Variants in PCDHA12 observed in about 807,000 individuals in gnomAD.
PCDHA12 encodes protocadherin alpha-12.
A neutral mutation model predicts 60.0 loss-of-function variants in PCDHA12; 44 were observed. The ratio of observed to expected loss-of-function variants is 0.73; its 90% CI spans 0.58 to 0.94. The LOEUF is 0.94. Ranked by LOEUF, PCDHA12 falls within the 40% of genes least tolerant of loss-of-function variation. The pLI is 0.00. For synonymous variants in PCDHA12, 569 were observed against 553.0 expected (o/e 1.03, Z -0.40); for missense variants, 1,276 against 1,239.7 (o/e 1.03, Z -0.44).
intron 1 of PCDHA12, among the ~76,000 whole-genome samples, chr5:140,906,517 TACTC>T (rs2072719927): frequency 2.0e-5 from 3 of 152,358 alleles, no homozygotes; most frequent in Admixed American, 6.5e-5. Context: ...AAGGAGGAAA[TACTC>T]ACGACAATTA....
At chr5:140,902,406 T>A (rs1166768605) in intron 1 of PCDHA12, among the ~76,000 whole-genome samples, 1 of 152,088 alleles carries the variant, frequency 6.6e-6, no homozygotes, top group Non-Finnish European at 1.5e-5. Flanking sequence ...AATACTATGT[T>A]GAATAACAGT....
At position 140,884,500 on chromosome 5, in the gene PCDHA12, G is replaced by T. The variant is rs782378726; in HGVS notation, c.2367+6661G>T. 34 of 1,614,122 alleles carry T rather than the reference G, an allele frequency of 2.1e-5. No homozygotes were observed. The South Asian group carries it at 2.5e-4, about 12-fold the overall frequency. On this transcript the variant is annotated intron_variant, in intron 1 of 3. Coordinates refer to ENST00000398631, the MANE Select transcript of PCDHA12 (RefSeq NM_018903.4). ...AGCCCACTCTAGTGTGCTCCAGCGC[G>T]GCAGGGAGTTGGTCGTACTCGCAGC...
At chr5:140,960,836 AG>A (rs551951864) in intron 1 of PCDHA12, among the ~76,000 whole-genome samples, 345 of 152,342 alleles carry the variant, frequency 2.3e-3, no homozygotes, top group African/African-American at 7.6e-3. Flanking sequence ...AACTTGGAAC[AG>A]GTTTAATGGC....
intron 1 of PCDHA12, among the ~76,000 whole-genome samples, chr5:140,965,161 G>A (rs151157194): frequency 1.5e-4 from 23 of 152,334 alleles, no homozygotes; most frequent in African/African-American, 5.5e-4. Flanking sequence ...GAGAAAGGAC[G>A]TTTTAGTGAG....
intron 1 of PCDHA12, chr5:140,927,513 C>T (rs371881938): frequency 2.2e-5 from 36 of 1,614,062 alleles, no homozygotes; most frequent in South Asian, 3.3e-5. Flanking sequence ...CAGCTCGGGA[C>T]GGCGGGCTAC....
At chr5:140,927,540 C>T (rs1376391756) in intron 1 of PCDHA12, 6 of 1,614,136 alleles carry the variant, frequency 3.7e-6, no homozygotes, top group African/African-American at 2.7e-5. Flanking sequence ...GCTCAGGAGA[C>T]GCACAAGTCA....
At position 140,876,094 on chromosome 5, in the gene PCDHA12, C is replaced by A. The variant is rs782479233; in HGVS notation, c.622C>A (p.Leu208Ile). ...KLLDREQTPK[L>I]NLLLMVIDGG... Reference sequence around the variant, plus strand: ...ATTGGACAGAGAGCAAACGCCAAAACTCAATTTATTGCTGATGGTAATCGA... The same window carrying A: ...ATTGGACAGAGAGCAAACGCCAAAAATCAATTTATTGCTGATGGTAATCGA... Residue 208 changes from leucine (L) to isoleucine (I), a missense_variant, in exon 1 of 4, where the codon CTC becomes ATC. Coordinates refer to ENST00000398631, the MANE Select transcript of PCDHA12 (RefSeq NM_018903.4). 5 of 1,613,926 alleles carry A rather than the reference C, an allele frequency of 3.1e-6. No homozygotes were observed. Among genetic ancestry groups the A allele is most frequent in the Non-Finnish European group, 4.2e-6 (5 of 1,179,902 alleles).
intron 1 of PCDHA12, among the ~76,000 whole-genome samples, chr5:140,960,125 G>A (rs2153724181): frequency 6.6e-6 from 1 of 152,336 alleles, no homozygotes; most frequent in East Asian, 1.9e-4. Context: ...TATTCCTTAT[G>A]AAATACTTAG....
At chr5:140,958,711 T>C (rs1402769483) in intron 1 of PCDHA12, among the ~76,000 whole-genome samples, 1 of 152,216 alleles carries the variant, frequency 6.6e-6, no homozygotes, top group Non-Finnish European at 1.5e-5. Flanking sequence ...AACTCTGTTA[T>C]AATAAATGTA....
chr5:140,900,840 T>C (rs6874218), intron 1 of PCDHA12, among the ~76,000 whole-genome samples: 1 of 151,950 alleles, frequency 6.6e-6, no homozygotes, highest in Admixed American at 6.6e-5. Flanking sequence ...ATGTACAAAG[T>C]TTCCCTTTTT....
At chr5:140,957,397 A>C (rs553656426) in intron 1 of PCDHA12, among the ~76,000 whole-genome samples, 1 of 152,282 alleles carries the variant, frequency 6.6e-6, no homozygotes, top group South Asian at 2.1e-4. Context: ...AATTGTCCTA[A>C]TTTATTATTA....
chr5:141,004,024 C>T (rs1380291199), intron 3 of PCDHA12, among the ~76,000 whole-genome samples: 1 of 152,210 alleles, frequency 6.6e-6, no homozygotes, highest in African/African-American at 2.4e-5. Context: ...AAAGAAGAAA[C>T]ATTTCCTTGA....
chr5:140,972,290 C>T (rs1331683497), intron 1 of PCDHA12, among the ~76,000 whole-genome samples: 1 of 151,820 alleles, frequency 6.6e-6, no homozygotes, highest in African/African-American at 2.4e-5. Flanking sequence ...TAGATGTGCG[C>T]CACCGTGTCT....
intron 3 of PCDHA12, among the ~76,000 whole-genome samples, chr5:141,002,289 G>A (rs1468757497): frequency 1.3e-5 from 2 of 152,204 alleles, no homozygotes; most frequent in East Asian, 3.8e-4. Flanking sequence ...GGATGAATGG[G>A]GAGCAAAGGG....
chr5:140,959,532 T>C (rs919329459), intron 1 of PCDHA12, among the ~76,000 whole-genome samples: 1 of 152,198 alleles, frequency 6.6e-6, no homozygotes, highest in Admixed American at 6.5e-5. Context: ...GACCATTAAT[T>C]CAGAGATGCT....
At chr5:140,884,179 G>A in intron 1 of PCDHA12, 3 of 1,613,460 alleles carry the variant, frequency 1.9e-6, no homozygotes, top group Non-Finnish European at 1.7e-6. Context: ...CGCGCCCTCT[G>A]GACGAGGTGG....
rs745982019 is a variant in PCDHA12, at chr5:140,875,368, T to G, written c.-105T>G. On this transcript the variant is annotated 5_prime_UTR_variant, in exon 1 of 4. The change creates a new upstream start codon in the 5' untranslated region. Transcript: ENST00000398631. ...TAATGACTGTGATGCTGGAAAAAAT[T>G]TACTAAATATGTACTTACAGAAAAG... 1.3e-5 allele frequency: 19 copies of G among 1,449,988 alleles called. No homozygotes were observed. Among genetic ancestry groups the G allele is most frequent in the Non-Finnish European group, 1.7e-5 (19 of 1,101,810 alleles). The allele number at this position is 1,449,988 out of a possible 1,614,324, so 89.8% of individuals were successfully genotyped here. A position where few individuals can be genotyped will look rare whatever the true frequency, so the allele number is the denominator to read the frequency against.
chr5:140,889,034 T>A (rs1554183750), intron 1 of PCDHA12, among the ~76,000 whole-genome samples: 4 of 152,080 alleles, frequency 2.6e-5, no homozygotes, highest in Non-Finnish European at 5.9e-5. Flanking sequence ...TAACCGTAAT[T>A]TGATTATAAT....
chr5:140,963,072 CAG>C (rs1366711310), intron 1 of PCDHA12, among the ~76,000 whole-genome samples: 5 of 151,824 alleles, frequency 3.3e-5, no homozygotes, highest in African/African-American at 1.2e-4. Flanking sequence ...GTGAAGGAGA[CAG>C]AAATATAAGA....
Sources: gnomAD v4.1 joint callset for allele counts (sites outside exome capture counted in the v4.1 genomes callset) on GRCh38, gnomAD v4.1.1 for gene constraint, MANE v1.5 for transcripts, NCBI Gene and HGNC (gene_info 2026-07-23, HGNC 2026-07-21) for gene names.